The following CAMTA1 variants were observed in gnomAD, a reference collection of about 807,000 sequenced individuals.
The protein encoded by CAMTA1 is calmodulin-binding transcription activator 1.
A neutral mutation model predicts 170.9 loss-of-function variants in CAMTA1; 27 were observed. The observed-to-expected ratio is 0.16, with a 90% CI of 0.12 to 0.22. CAMTA1 has a LOEUF of 0.22. CAMTA1 is among the 10% of genes least tolerant of loss of function. The pLI is 1.00. For synonymous variants in CAMTA1, 833 were observed against 891.5 expected (o/e 0.93, Z 1.17); for missense variants, 1,619 against 2,217.2 (o/e 0.73, Z 5.42).
At chr1:7,533,648 C>T (rs973115164) in intron 6 of CAMTA1, among the ~76,000 whole-genome samples, 1 of 152,114 alleles carries the variant, frequency 6.6e-6, no homozygotes. Context: ...CACGGTGGCT[C>T]ACGCCTGTAA....
chr1:7,651,026 G>A (rs564545612), intron 7 of CAMTA1, among the ~76,000 whole-genome samples: 17 of 152,226 alleles, frequency 1.1e-4, no homozygotes, highest in African/African-American at 2.6e-4. Context: ...GCACGTGGCC[G>A]CTCCCTCTCC....
In CAMTA1 at chr1:6,793,375, C is replaced by A. The variant is rs1162496407; in HGVS notation, c.45+7800C>A. Among the ~76,000 whole-genome samples the A allele has an allele frequency of 2.0e-5, 3 of 152,102 alleles. No individual in the cohort carries two copies. The East Asian group carries it at 5.8e-4, about 29-fold the overall frequency. On this transcript the variant is annotated intron_variant, in intron 1 of 22. Coordinates refer to ENST00000303635, the MANE Select transcript of CAMTA1 (RefSeq NM_015215.4). ...GTATTCAGTCACTTAAAAACACTTGCAAAGTGGATTTTTCCCCATTTATTC... is the reference window on the plus strand; with the variant it reads ...GTATTCAGTCACTTAAAAACACTTGAAAAGTGGATTTTTCCCCATTTATTC...
At chr1:7,096,036 T>C (rs1642037071) in intron 4 of CAMTA1, among the ~76,000 whole-genome samples, 2 of 152,364 alleles carry the variant, frequency 1.3e-5, no homozygotes, top group Admixed American at 6.5e-5. Context: ...GTTGATTATC[T>C]AATTAATTAA....
intron 11 of CAMTA1, among the ~76,000 whole-genome samples, chr1:7,718,782 C>G (rs1345137849): frequency 7.3e-5 from 11 of 150,832 alleles, no homozygotes; most frequent in Non-Finnish European, 1.2e-4. Context: ...ATCTTGAACT[C>G]GTGACTTCAG....
intron 3 of CAMTA1, among the ~76,000 whole-genome samples, chr1:6,925,443 C>T (rs1251518988): frequency 1.3e-5 from 2 of 152,360 alleles, no homozygotes; most frequent in African/African-American, 4.8e-5. Flanking sequence ...ACATTTTAGG[C>T]CCACTCTGGT....
chr1:7,471,891 G>A (rs527913116), intron 6 of CAMTA1, among the ~76,000 whole-genome samples: 5 of 152,314 alleles, frequency 3.3e-5, no homozygotes, highest in African/African-American at 4.8e-5. Context: ...TGCATTCTCC[G>A]CCTGCCCCCG....
At chr1:7,012,679 G>A (rs145264961) in intron 3 of CAMTA1, among the ~76,000 whole-genome samples, 12 of 152,032 alleles carry the variant, frequency 7.9e-5, no homozygotes, top group African/African-American at 1.2e-4. Context: ...CCTTCCCTTC[G>A]TGCCACCTCA....
intron 1 of CAMTA1, among the ~76,000 whole-genome samples, chr1:6,786,566 G>A (rs1639448113): frequency 6.6e-6 from 1 of 152,104 alleles, no homozygotes; most frequent in Non-Finnish European, 1.5e-5. Context: ...GGATAGTGGG[G>A]GCTTGTGCAG....
rs567959213 is a variant in CAMTA1, at chr1:7,614,848, C to T, written c.511-25552C>T. On this transcript the variant is annotated intron_variant, in intron 6 of 22. Coordinates refer to ENST00000303635, the MANE Select transcript of CAMTA1 (RefSeq NM_015215.4). The stretch of plus-strand genomic sequence containing the variant: ...ACCTTGACCCCTGAAAGCCCTGGCT[C>T]CATCTGCATCCACTTAACCTCCATC... Among the ~76,000 whole-genome samples the T allele has an allele frequency of 3.3e-5, 5 of 152,284 alleles. No homozygotes were observed. The East Asian group carries it at 9.7e-4, about 29-fold the overall frequency.
chr1:7,459,334 T>C (rs1185156969), intron 5 of CAMTA1, among the ~76,000 whole-genome samples: 1 of 152,182 alleles, frequency 6.6e-6, no homozygotes, highest in African/African-American at 2.4e-5. Flanking sequence ...CATCCTCTCC[T>C]TGCCCCACAC....
chr1:7,682,166 G>A lies in CAMTA1; in HGVS notation c.2914+4433G>A, dbSNP rs1310208922. Among the ~76,000 whole-genome samples the A allele has an allele frequency of 6.6e-6, 1 of 152,190 alleles. No homozygotes were observed. Among genetic ancestry groups the A allele is most frequent in the Non-Finnish European group, 1.5e-5 (1 of 68,032 alleles). ...CTGGGCAGGCCCCCTTCTGGCCTCA[G>A]GGGTGAGGGGGGACCCTGTCATCTC... On this transcript the variant is annotated intron_variant, in intron 11 of 22. Coordinates refer to ENST00000303635, the MANE Select transcript of CAMTA1 (RefSeq NM_015215.4). The surrounding 1 kb of genome is among the most constrained non-coding windows in gnomAD (Gnocchi z 5.0).
In CAMTA1 at chr1:7,340,716, GCATCCATCCATCCATC is replaced by G. The variant is rs60556819; in HGVS notation, c.438+91130_438+91145del. ...TCTAGCCATGTATCCTTCCACCTGT[GCATCCATCCATCCATC>G]CATCCATCCATCCATCCATCCATCC... is the stretch of plus-strand genomic sequence containing the variant. On this transcript the variant is annotated intron_variant, in intron 5 of 22. Transcript: ENST00000303635. Among the ~76,000 whole-genome samples the G allele has an allele frequency of 2.1e-3, 302 of 146,790 alleles. 3 individuals carry two copies. The East Asian group carries it at 0.023, about 11-fold the overall frequency.
intron 6 of CAMTA1, among the ~76,000 whole-genome samples, chr1:7,499,583 G>C (rs1042892596): frequency 7.1e-6 from 1 of 141,560 alleles, no homozygotes; most frequent in South Asian, 2.5e-4. Flanking sequence ...GTGTGAGCCT[G>C]GCGTGAGTGC....
chr1:7,743,105 G>T (rs965359939), intron 16 of CAMTA1, among the ~76,000 whole-genome samples: 1 of 152,054 alleles, frequency 6.6e-6, no homozygotes, highest in Non-Finnish European at 1.5e-5. Context: ...CACCCGCCTC[G>T]GCCTCACAAA....
At chr1:7,150,078 G>A (rs1470665170) in intron 4 of CAMTA1, among the ~76,000 whole-genome samples, 2 of 152,144 alleles carry the variant, frequency 1.3e-5, no homozygotes, top group Non-Finnish European at 2.9e-5. Flanking sequence ...GTCGCCCAGC[G>A]GCCTCCCTGG....
rs182259812 is a variant in CAMTA1 at position 7,451,785 on chromosome 1, T to C, written c.439-16045T>C. Among the ~76,000 whole-genome samples the C allele has an allele frequency of 4.6e-3, 696 of 152,266 alleles. 6 individuals are homozygous for C. Among genetic ancestry groups the C allele is most frequent in the African/African-American group, 0.016 (649 of 41,556 alleles). ...AGGGTTCTCACCCAACCAGAAGGGC[T>C]ATTGGCTCCCTGCCCTCAGCTCCCC... On this transcript the variant is annotated intron_variant, in intron 5 of 22. Coordinates refer to ENST00000303635, the MANE Select transcript of CAMTA1 (RefSeq NM_015215.4).
rs1970499 is a variant in CAMTA1 at position 7,685,073 on chromosome 1, T to C, written c.2914+7340T>C. Among the ~76,000 whole-genome samples, 147,266 of 151,174 alleles carry C rather than the reference T, an allele frequency of 0.97. 71,822 individuals are homozygous for C. Among genetic ancestry groups the C allele is most frequent in the East Asian group, 1 (5,116 of 5,120 alleles). On this transcript the variant is annotated intron_variant, in intron 11 of 22. Transcript: ENST00000303635. This position sits in a 1 kb window ranked among gnomAD's most constrained non-coding sequence, Gnocchi z 5.7. ...TGAGGAGTTCGCAGGCACCGTCCCG[T>C]GGTCACAGGTGGCGTGTTTTGAGGA...
At chr1:6,805,127 A>G (rs746521299) in intron 1 of CAMTA1, among the ~76,000 whole-genome samples, 8 of 152,234 alleles carry the variant, frequency 5.3e-5, no homozygotes, top group Non-Finnish European at 7.3e-5. Flanking sequence ...TGGTTAGATC[A>G]TATTACATTC....
chr1:7,062,482 G>C (rs997988498), intron 3 of CAMTA1, among the ~76,000 whole-genome samples: 1 of 152,156 alleles, frequency 6.6e-6, no homozygotes, highest in Non-Finnish European at 1.5e-5. Context: ...TCGAGCGGCC[G>C]GTGCCAAGAA....
Sources: allele counts gnomAD v4.1 joint callset (sites outside exome capture counted in the v4.1 genomes callset), GRCh38; gene constraint gnomAD v4.1.1; non-coding constraint Gnocchi (gnomAD v3.1); transcripts MANE v1.5; gene names NCBI Gene and HGNC (gene_info 2026-07-23, HGNC 2026-07-21).